Variants in USP50 observed in about 807,000 individuals in gnomAD.
USP50 encodes ubiquitin carboxyl-terminal hydrolase 50.
Under a neutral mutation model 39.2 loss-of-function variants are expected in USP50, and 37 were observed. That is an observed-to-expected ratio of 0.94 (90% CI 0.73 to 1.24). The LOEUF (loss-of-function observed/expected upper bound fraction) is 1.24, where lower values mean the gene tolerates loss of function less well. Ranked by LOEUF, USP50 falls within the 50% of genes most tolerant of loss-of-function variation. The probability of loss-of-function intolerance (pLI) is 0.00; values close to 1 mark genes in which losing one functional copy is unlikely to be tolerated. For missense variants in USP50, 374 were observed against 398.2 expected, an observed-to-expected ratio of 0.94 and a Z score of 0.52; for synonymous variants, 139 against 144.5, an observed-to-expected ratio of 0.96 and a Z score of 0.27.
intron 6 of USP50, chr15:50,507,717 A>G (rs2052680850): frequency 6.6e-6 from 1 of 152,160 alleles, no homozygotes; most frequent in African/African-American, 2.4e-5. Context: ...CTTTTACAAT[A>G]TATACTTAGA....
At chr15:50,537,275 C>A (rs1193609408) in intron 5 of USP50, among the ~76,000 whole-genome samples, 2 of 151,544 alleles carry the variant, frequency 1.3e-5, no homozygotes, top group East Asian at 3.9e-4. Context: ...CACACACAAA[C>A]CTTACACCCT....
chr15:50,524,803 G>A (rs755541418), intron 6 of USP50, among the ~76,000 whole-genome samples: 1 of 152,148 alleles, frequency 6.6e-6, no homozygotes, highest in South Asian at 2.1e-4. Context: ...GAGCCTGGGA[G>A]TTCAAGGCTG....
At chr15:50,525,347 G>A (rs2141366469) in intron 6 of USP50, among the ~76,000 whole-genome samples, 1 of 151,956 alleles carries the variant, frequency 6.6e-6, no homozygotes, top group East Asian at 1.9e-4. Flanking sequence ...TGGCAGAGTG[G>A]CTATCGTAAA....
chr15:50,495,219 CAAA>C (rs2052331491), intron 1 of USP50, among the ~76,000 whole-genome samples: 1 of 138,002 alleles, frequency 7.2e-6, no homozygotes. Flanking sequence ...CACACCTACA[CAAA>C]AATATTTGTG....
At chr15:50,525,641 T>C (rs2052887977) in intron 6 of USP50, among the ~76,000 whole-genome samples, 1 of 110,102 alleles carries the variant, frequency 9.1e-6, no homozygotes, top group Non-Finnish European at 1.8e-5. Context: ...TATATGTATA[T>C]GTGTATATGT....
downstream of USP50, chr15:50,497,515 TCAAA>T (rs2052462803): frequency 4.2e-6 from 1 of 238,374 alleles, no homozygotes; most frequent in African/African-American, 2.2e-5. Flanking sequence ...ACAGTATAAT[TCAAA>T]CAAATTAGCA....
chr15:50,497,375 G>A (rs1009353811), downstream of USP50: 10 of 990,248 alleles, frequency 1.0e-5, no homozygotes, highest in East Asian at 1.8e-4. Flanking sequence ...GGGAAATAAA[G>A]CAGAAATGAG....
chr15:50,543,555 A>G (rs1435098565), intron 3 of USP50, 43 bp downstream of exon 3: 1 of 1,550,714 alleles, frequency 6.4e-7, no homozygotes, highest in East Asian at 2.3e-5. Context: ...CTGCTGATAA[A>G]GGTTCAGGAC....
intron 1 of USP50, among the ~76,000 whole-genome samples, chr15:50,546,176 A>T (rs1428502342): frequency 1.3e-5 from 2 of 152,024 alleles, no homozygotes; most frequent in Admixed American, 6.6e-5. Context: ...CAGTGACCTT[A>T]CCTCATACAT....
chr15:50,529,990 A>G (rs1596016038), intron 5 of USP50, 61 bp from the exon 6 acceptor site: 1 of 1,592,678 alleles, frequency 6.3e-7, no homozygotes, highest in African/African-American at 1.3e-5. Flanking sequence ...ATTTGTCTAC[A>G]TGACAAATTC....
chr15:50,500,366 C>CTGA (rs1308566169), downstream of USP50: 1 of 158,102 alleles, frequency 6.3e-6, no homozygotes, highest in East Asian at 1.8e-4. Flanking sequence ...GAGATATTTT[C>CTGA]TGATAAACAC....
chr15:50,518,227 G>GT (rs60749263), intron 6 of USP50, among the ~76,000 whole-genome samples: 71,085 of 144,040 alleles, frequency 0.49, 17,740 homozygotes, highest in East Asian at 0.57. Flanking sequence ...TTCTTTTTTT[G>GT]TTTTTTTTTT....
chr15:50,538,273 C>CAAAAAAAAAAAAAAA (rs766139797), intron 5 of USP50, among the ~76,000 whole-genome samples: 1 of 17,288 alleles, frequency 5.8e-5, no homozygotes, highest in African/African-American at 1.2e-4. Context: ...GAGACTGTCT[C>CAAAAAAAAAAAAAAA]AAAAAAAAAA....
chr15:50,544,724 C>T lies in USP50; in HGVS notation c.111G>A (p.Gln37=), dbSNP rs1161965971. The part of the protein sequence containing the change: ...TLPVKEADGN[Q]PHFQGVTGLW... Reference sequence around the variant, plus strand: ...AGCCAGTGACACCCTGAAAATGGGGCTGGTTCCCATCAGCCTCCTTAACTG... The same window carrying T: ...AGCCAGTGACACCCTGAAAATGGGGTTGGTTCCCATCAGCCTCCTTAACTG... The change falls in exon 2 of 7, where the codon CAG becomes CAA. Residue 37 remains glutamine, a synonymous_variant. Coordinates refer to ENST00000532404, the MANE Select transcript of USP50 (RefSeq NM_203494.5). The T allele has an allele frequency of 6.2e-7, 1 of 1,613,910 alleles. No individual in the cohort carries two copies. Among genetic ancestry groups the T allele is most frequent in the Non-Finnish European group, 8.5e-7 (1 of 1,179,908 alleles).
Position 50,500,673 on chromosome 15 carries a change from T to G in USP50, c.*96A>C, listed in dbSNP as rs529383809. ...CTGGCTCTTAACGCTTTTGTATTGG[T>G]ATGGAAAAGGGCTGGCAGCTATAGA... On this transcript the variant is annotated 3_prime_UTR_variant, in exon 7 of 7. Transcript: ENST00000532404. 1.4e-4 allele frequency: 163 copies of G among 1,201,686 alleles called. No homozygotes were observed. The highest frequency in any genetic ancestry group is 1.9e-4 in the Non-Finnish European group (156 of 833,722). 74.4% of individuals were successfully genotyped at this position (1,201,686 alleles called of 1,614,324 possible).
intron 1 of USP50, among the ~76,000 whole-genome samples, chr15:50,545,138 C>A (rs867752250): frequency 1.3e-5 from 2 of 151,994 alleles, no homozygotes; most frequent in Non-Finnish European, 2.9e-5. Context: ...GAACAAGTAC[C>A]TGAAGCCAAA....
At chr15:50,511,415 C>T (rs549364311) in intron 6 of USP50, 1 of 152,232 alleles carries the variant, frequency 6.6e-6, no homozygotes, top group South Asian at 2.1e-4. Flanking sequence ...AGAAATTTCA[C>T]ACTTAGGTAT....
chr15:50,546,403 CCT>C, intron 1 of USP50, 68 bp downstream of exon 1: 1 of 1,550,730 alleles, frequency 6.4e-7, no homozygotes, highest in South Asian at 1.1e-5. Flanking sequence ...GTGTGTGTCC[CCT>C]GACTCCTCTG....
chr15:50,525,586 G>GTATATATGTATATGTA (rs1555395199), intron 6 of USP50, among the ~76,000 whole-genome samples: 3 of 126,144 alleles, frequency 2.4e-5, no homozygotes, highest in African/African-American at 9.7e-5. Context: ...ATGTATATAT[G>GTATATATGTATATGTA]TATATGTATA....
Sources: allele counts gnomAD v4.1 joint callset (sites outside exome capture counted in the v4.1 genomes callset), GRCh38; gene constraint gnomAD v4.1.1; transcripts MANE v1.5; gene names NCBI Gene and HGNC (gene_info 2026-07-23, HGNC 2026-07-21).